The following YTHDC2 variants were observed in gnomAD, a reference collection of about 807,000 sequenced individuals.
YTHDC2 encodes the protein YTH N6-methyladenosine RNA binding protein C2.
A neutral mutation model predicts 174.9 loss-of-function variants in YTHDC2; 45 were observed. The ratio of observed to expected loss-of-function variants is 0.26; its 90% CI spans 0.20 to 0.33. The LOEUF (loss-of-function observed/expected upper bound fraction) is 0.33, where lower values mean the gene tolerates loss of function less well. YTHDC2 is among the 10% of genes least tolerant of loss of function. YTHDC2 has a pLI of 1.00. For missense variants in YTHDC2, 1,650 were observed against 1,723.7 expected (o/e 0.96, Z 0.76); for synonymous variants, 657 against 574.5 (o/e 1.14, Z -2.05).
chr5:113,547,334 G>T (rs902464611), intron 10 of YTHDC2, among the ~76,000 whole-genome samples: 16 of 152,124 alleles, frequency 1.1e-4, no homozygotes, highest in African/African-American at 3.6e-4. Flanking sequence ...TCTGAGTAAG[G>T]TATGGCTATC....
chr5:113,567,465 T>C (rs1158072215), intron 22 of YTHDC2, among the ~76,000 whole-genome samples, 168 bp downstream of exon 22: 3 of 148,402 alleles, frequency 2.0e-5, no homozygotes, highest in African/African-American at 7.6e-5. Flanking sequence ...ATTTTAGAGT[T>C]GGAAAAGGTA....
intron 18 of YTHDC2, among the ~76,000 whole-genome samples, chr5:113,562,508 A>G (rs1209502676): frequency 6.6e-6 from 1 of 152,178 alleles, no homozygotes; most frequent in Non-Finnish European, 1.5e-5. Context: ...GAGAAAATTC[A>G]CAATCCTTAA....
At chr5:113,542,558 A>G (rs923325172) in intron 10 of YTHDC2, 55 bp downstream of exon 10, 7 of 1,513,274 alleles carry the variant, frequency 4.6e-6, no homozygotes, top group East Asian at 2.3e-5. Context: ...TGGTGGAAGT[A>G]TAGTTTAATT....
chr5:113,553,547 A>G, intron 13 of YTHDC2, 43 bp from the exon 14 acceptor site: 1 of 1,589,894 alleles, frequency 6.3e-7, no homozygotes, highest in Non-Finnish European at 8.6e-7. Flanking sequence ...ATTGCCTCTG[A>G]TTCACAATGA....
chr5:113,587,604 ATAT>A (rs1047697474), intron 26 of YTHDC2, among the ~76,000 whole-genome samples: 4 of 145,504 alleles, frequency 2.7e-5, no homozygotes, highest in Admixed American at 1.4e-4. Context: ...TATTTATGAC[ATAT>A]TATTATATAT....
chr5:113,561,044 G>A (rs369982173), intron 17 of YTHDC2, 36 bp from the exon 18 acceptor site: 88 of 1,534,444 alleles, frequency 5.7e-5, no homozygotes, highest in South Asian at 2.1e-4. Flanking sequence ...GCCTTTATTC[G>A]TTGTTTGAGT....
intron 28 of YTHDC2, 183 bp downstream of exon 28, chr5:113,592,361 T>C (rs1779056440): frequency 2.0e-6 from 1 of 499,218 alleles, no homozygotes. Flanking sequence ...TGATTGCTCC[T>C]TGCAGTCAGA....
At chr5:113,555,104 T>G (rs969083401) in intron 16 of YTHDC2, among the ~76,000 whole-genome samples, 9 of 151,984 alleles carry the variant, frequency 5.9e-5, no homozygotes, top group African/African-American at 2.2e-4. Flanking sequence ...CTAAAAATCT[T>G]AATGGTGAGC....
At position 113,567,403 on chromosome 5, in the gene YTHDC2, G is replaced by A. The variant is rs1281877076; in HGVS notation, c.3048+106G>A. ...CCTGCCTGCTTTAAGAAATTAATTAGTTATATATATATATATATATATATC... is the reference window on the plus strand; with the variant it reads ...CCTGCCTGCTTTAAGAAATTAATTAATTATATATATATATATATATATATC... On this transcript the variant is annotated intron_variant, in intron 22 of 29. Coordinates refer to ENST00000161863, the MANE Select transcript of YTHDC2 (RefSeq NM_022828.5). 3 of 333,686 alleles carry A rather than the reference G, an allele frequency of 9.0e-6. No homozygotes were observed. In the African/African-American group the frequency reaches 2.6e-4, roughly 29 times the overall value. The allele number at this position is 333,686 out of a possible 1,614,324, so 20.7% of individuals were successfully genotyped here.
At chr5:113,574,213 T>C (rs551933483) in intron 23 of YTHDC2, among the ~76,000 whole-genome samples, 4 of 152,200 alleles carry the variant, frequency 2.6e-5, no homozygotes, top group Admixed American at 6.5e-5. Context: ...CAGTCTTCCA[T>C]AGGGCTGCTG....
At chr5:113,557,176 G>C (rs1406544941) in intron 17 of YTHDC2, among the ~76,000 whole-genome samples, 1 of 152,126 alleles carries the variant, frequency 6.6e-6, no homozygotes, top group Non-Finnish European at 1.5e-5. Context: ...TGGGGTTCTT[G>C]GAGTAAGGAG....
rs2112499231 is a variant in YTHDC2, at chr5:113,514,101, A to T, written c.187+19A>T. On this transcript the variant is annotated intron_variant, in intron 1 of 29. Coordinates refer to ENST00000161863, the MANE Select transcript of YTHDC2 (RefSeq NM_022828.5). ...CAGAGAGGTGAGGTTCCGGACAGGG[A>T]CCATGCTGGCAGTCAGGATACCCCC... 1 of 1,606,744 alleles carries T rather than the reference A, an allele frequency of 6.2e-7. No homozygotes were observed. The highest frequency in any genetic ancestry group is 1.3e-5 in the African/African-American group (1 of 74,750).
At chr5:113,536,418 G>T (rs150991376) in intron 7 of YTHDC2, among the ~76,000 whole-genome samples, 1 of 152,116 alleles carries the variant, frequency 6.6e-6, no homozygotes, top group Non-Finnish European at 1.5e-5. Flanking sequence ...CCAGCTACTC[G>T]GGAGGCTAAG....
rs1773196977 is a variant in YTHDC2, at chr5:113,513,910, C to T, written c.15C>T (p.Ser5=). The T allele has an allele frequency of 1.9e-6, 3 of 1,604,712 alleles. No individual in the cohort carries two copies. Among genetic ancestry groups the T allele is most frequent in the South Asian group, 2.2e-5 (2 of 90,146 alleles). The change falls in exon 1 of 30, where the codon AGC becomes AGT. Residue 5 remains serine, a synonymous_variant. Transcript: ENST00000161863. ...TCTTCAGGGCAATGTCCAGGCCGAGCAGCGTCTCCCCGCGGCAGCCGGCTC... is the reference window on the plus strand; with the variant it reads ...TCTTCAGGGCAATGTCCAGGCCGAGTAGCGTCTCCCCGCGGCAGCCGGCTC... MSRP[S]SVSPRQPAPG...
intron 25 of YTHDC2, chr5:113,583,888 T>G (rs4705558): frequency 0.21 from 32,417 of 153,366 alleles, 3,917 homozygotes; most frequent in Admixed American, 0.34. Flanking sequence ...AACTTTATAT[T>G]GCAATACATC....
intron 10 of YTHDC2, among the ~76,000 whole-genome samples, chr5:113,543,279 C>G (rs527822648): frequency 1.3e-5 from 2 of 152,310 alleles, no homozygotes; most frequent in East Asian, 3.9e-4. Flanking sequence ...TTCCTCTCAA[C>G]CTGCACTTTT....
chr5:113,545,160 T>C (rs1775771901), intron 10 of YTHDC2, among the ~76,000 whole-genome samples: 1 of 152,196 alleles, frequency 6.6e-6, no homozygotes, highest in Non-Finnish European at 1.5e-5. Context: ...ATTTGAGGTG[T>C]CTGGGTCAAT....
rs1286284444 is a variant in YTHDC2, at chr5:113,541,102, G to A, written c.1345G>A (p.Val449Ile). Residue 449 changes from valine (V) to isoleucine (I), a missense_variant, in exon 9 of 30, where the codon GTC (valine) becomes ATC (isoleucine). Val to Ile is a conservative substitution (Grantham distance 29). This residue lies in a region of YTHDC2 where 411 missense variants were observed against 380.6 expected (regional missense o/e 1.08). Transcript: ENST00000161863. ...YDLLDDGGDA[V>I]FSQLTEKDVN... is the part of the protein sequence containing the mutation. ...CTTACTGGATGATGGTGGTGATGCT[G>A]TCTTCAGTCAGCTGGTATGACCTCC... 7 of 1,613,988 alleles carry A rather than the reference G, an allele frequency of 4.3e-6. No individual in the cohort carries two copies. In the South Asian group the frequency reaches 7.7e-5, roughly 18 times the overall value.
chr5:113,583,686 G>C (rs1191231237), intron 25 of YTHDC2: 1 of 152,226 alleles, frequency 6.6e-6, no homozygotes, highest in Non-Finnish European at 1.5e-5. Flanking sequence ...GTTTCACCAT[G>C]TTAGTCAGGC....
Sources: allele counts gnomAD v4.1 joint callset (sites outside exome capture counted in the v4.1 genomes callset), GRCh38; gene constraint gnomAD v4.1.1; regional missense constraint gnomAD v4.1.1; transcripts MANE v1.5; gene names NCBI Gene and HGNC (gene_info 2026-07-23, HGNC 2026-07-21).